RC3H1: variants seen among roughly 807,000 people sequenced by gnomAD.
RC3H1 encodes the protein ring finger and CCCH-type domains 1, also known as roquin-1.
A neutral mutation model predicts 138.2 loss-of-function variants in RC3H1; 50 were observed. That is an observed-to-expected ratio of 0.36 (90% CI 0.29 to 0.46). The LOEUF is 0.46. RC3H1 is among the 20% of genes least tolerant of loss of function. RC3H1 has a pLI of 1.00. For synonymous variants in RC3H1, 462 were observed against 489.1 expected, an observed-to-expected ratio of 0.94 and a Z score of 0.73; for missense variants, 1,031 against 1,388.1, an observed-to-expected ratio of 0.74 and a Z score of 4.09.
chr1:173,962,613 A>T (rs1368545168), intron 11 of RC3H1, among the ~76,000 whole-genome samples: 1 of 152,202 alleles, frequency 6.6e-6, no homozygotes, highest in Non-Finnish European at 1.5e-5. Flanking sequence ...GTGATCTTGG[A>T]ATTAAGCAGT....
rs60259705 is a variant in RC3H1, at chr1:173,950,420, C to CAAAAAAAAAAAA, written c.2523+1554_2523+1565dup. 3.5e-4 allele frequency among the ~76,000 whole-genome samples: 22 copies of CAAAAAAAAAAAA among 63,658 alleles called. 2 individuals are homozygous for CAAAAAAAAAAAA. Among genetic ancestry groups the CAAAAAAAAAAAA allele is most frequent in the East Asian group, 2.2e-3 (4 of 1,792 alleles). 41.8% of individuals were successfully genotyped at this position (63,658 alleles called of 152,430 possible). A position where few individuals can be genotyped will look rare whatever the true frequency, so the allele number is the denominator to read the frequency against. On this transcript the variant is annotated intron_variant, in intron 14 of 19. Transcript: ENST00000367696. ...CAACATAGCAAGACCTCATCTCTAC[C>CAAAAAAAAAAAA]AAAAAAAAAAAAAAAAAAAAAGAGC... is the stretch of plus-strand genomic sequence containing the variant.
rs1660316830 is a variant in RC3H1, at chr1:173,970,636, C to T, written c.1222-19G>A. ...GTGGAGGCTAAAACCAAAATCAAAA[C>T]ATTAGATGTGTAATAACCCCCCACA... On this transcript the variant is annotated intron_variant, in intron 8 of 19. Coordinates refer to ENST00000367696, the MANE Select transcript of RC3H1 (RefSeq NM_172071.4). 21 of 1,524,282 alleles carry T rather than the reference C, an allele frequency of 1.4e-5. No homozygotes were observed. Among genetic ancestry groups the T allele is most frequent in the Non-Finnish European group, 1.8e-5 (20 of 1,102,622 alleles). 94.4% of individuals were successfully genotyped at this position (1,524,282 alleles called of 1,614,324 possible).
Position 173,947,392 on chromosome 1 carries a change from G to A in RC3H1, c.2714C>T (p.Pro905Leu). ...PMQAMAPQGA[P>L]TKSINISDYS... The stretch of plus-strand genomic sequence containing the variant: ...ACCTGAAATGTTAATAGATTTTGTA[G>A]GAGCTCCCTGAGGTGCCATAGCCTG... Residue 905 changes from proline to leucine, a missense_variant, in exon 15 of 20, where the codon CCT (proline) becomes CTT (leucine). Transcript: ENST00000367696. 6.2e-7 allele frequency: 1 copy of A among 1,613,618 alleles called. No individual in the cohort carries two copies. The highest frequency in any genetic ancestry group is 8.5e-7 in the Non-Finnish European group (1 of 1,179,598).
rs750165002 is a variant in RC3H1 at position 173,962,101 on chromosome 1, C to A, written c.1832-6G>T. On this transcript the variant is annotated splice_polypyrimidine_tract_variant and splice_region_variant and intron_variant, in intron 11 of 19. Coordinates refer to ENST00000367696, the MANE Select transcript of RC3H1 (RefSeq NM_172071.4). ...TGGTGGAGTATAATACATACCTGCA[C>A]AATACAAAAGAGGACCCAAAAGCAA... The A allele has an allele frequency of 2.5e-6, 4 of 1,601,984 alleles. No homozygotes were observed. The highest frequency in any genetic ancestry group is 3.4e-6 in the Non-Finnish European group (4 of 1,172,206).
chr1:173,978,311 T>A (rs1215889166), intron 7 of RC3H1, among the ~76,000 whole-genome samples, 177 bp downstream of exon 7: 1 of 151,954 alleles, frequency 6.6e-6, no homozygotes, highest in Non-Finnish European at 1.5e-5. Context: ...AATATTAAAG[T>A]GAACTAACCT....
At chr1:174,018,997 A>T (rs1462833754) in intron 1 of RC3H1, among the ~76,000 whole-genome samples, 1 of 152,216 alleles carries the variant, frequency 6.6e-6, no homozygotes, top group Non-Finnish European at 1.5e-5. Flanking sequence ...ATAAATTAAG[A>T]ACTTCAAATA....
At chr1:173,943,360 G>A (rs188518081) in intron 18 of RC3H1, 82 bp downstream of exon 18, 1 of 1,398,120 alleles carries the variant, frequency 7.2e-7, no homozygotes. Flanking sequence ...TTGAAGTGAT[G>A]ATTCTGTGCC....
chr1:173,973,423 C>T lies in RC3H1; in HGVS notation c.1103-796G>A, dbSNP rs555797450. 2.6e-5 allele frequency among the ~76,000 whole-genome samples: 4 copies of T among 151,420 alleles called. No individual in the cohort carries two copies. In the East Asian group the frequency reaches 5.8e-4, roughly 22 times the overall value. On this transcript the variant is annotated intron_variant, in intron 7 of 19. Transcript: ENST00000367696. ...TGGTGGCACGCGCCTATAGTCCCAG[C>T]AACTTAGGAGGCTGAGGCAGGAGAA...
chr1:173,940,452 C>A (rs1269859102), intron 19 of RC3H1, among the ~76,000 whole-genome samples: 2 of 151,784 alleles, frequency 1.3e-5, no homozygotes, highest in East Asian at 3.9e-4. Context: ...GCCTGGGCAA[C>A]AAGAGTGAAG....
intron 14 of RC3H1, among the ~76,000 whole-genome samples, chr1:173,951,098 G>A (rs1055399023): frequency 6.6e-6 from 1 of 152,150 alleles, no homozygotes; most frequent in Admixed American, 6.5e-5. Context: ...GCCGAGGCGG[G>A]TGGATCACTT....
rs1168186122 is a variant in RC3H1, at chr1:173,931,786, T to C, written c.*6935A>G. The C allele has an allele frequency of 6.6e-6, 1 of 152,232 alleles. No homozygotes were observed. The highest frequency in any genetic ancestry group is 1.5e-5 in the Non-Finnish European group (1 of 68,030). 9.4% of individuals were successfully genotyped at this position (152,232 alleles called of 1,614,324 possible). ...ACAGCCTGTGAAATTCCAATCCATT[T>C]GTCTTCACCATTCCAACCTATTTGT... On this transcript the variant is annotated 3_prime_UTR_variant, in exon 20 of 20. Coordinates refer to ENST00000367696, the MANE Select transcript of RC3H1 (RefSeq NM_172071.4).
chr1:174,000,808 A>G (rs896352209), intron 1 of RC3H1, among the ~76,000 whole-genome samples: 2 of 152,222 alleles, frequency 1.3e-5, no homozygotes, highest in East Asian at 1.9e-4. Flanking sequence ...AAGGCCTATT[A>G]TAACACTTAA....
intron 7 of RC3H1, among the ~76,000 whole-genome samples, chr1:173,976,031 C>G (rs1660566034): frequency 6.7e-6 from 1 of 150,128 alleles, no homozygotes; most frequent in African/African-American, 2.4e-5. Flanking sequence ...TGAGAACACT[C>G]CAAAGAGTAC....
At chr1:173,994,504 T>A (rs1195920851) in intron 1 of RC3H1, among the ~76,000 whole-genome samples, 1 of 152,168 alleles carries the variant, frequency 6.6e-6, no homozygotes, top group Admixed American at 6.5e-5. Flanking sequence ...GACAGACTCA[T>A]ACAAATTTTT....
chr1:173,943,563 T>A lies in RC3H1; in HGVS notation c.3014A>T (p.Gln1005Leu). The change falls in exon 18 of 20, where the codon CAG becomes CTG. Residue 1005 changes from glutamine (Q) to leucine (L), a missense_variant. Coordinates refer to ENST00000367696, the MANE Select transcript of RC3H1 (RefSeq NM_172071.4). Reference sequence around the variant, plus strand: ...AGGTGGCGGTGGTGGGGGCTGTGACTGGCCTGCCAGGGTGTTTGCCTCCCT... The same window carrying A: ...AGGTGGCGGTGGTGGGGGCTGTGACAGGCCTGCCAGGGTGTTTGCCTCCCT... Reference protein sequence around the residue: ...LQREANTLAGQSQPPPPPPPK... With the variant: ...LQREANTLAGLSQPPPPPPPK... 6.2e-7 allele frequency: 1 copy of A among 1,614,130 alleles called. No homozygotes were observed. The highest frequency in any genetic ancestry group is 8.5e-7 in the Non-Finnish European group (1 of 1,179,994).
chr1:174,001,097 A>T (rs1358041028), intron 1 of RC3H1, among the ~76,000 whole-genome samples: 1 of 152,234 alleles, frequency 6.6e-6, no homozygotes, highest in African/African-American at 2.4e-5. Context: ...ATAGCTTGAA[A>T]AATAGAACTT....
chr1:173,998,132 G>A (rs1197643967), intron 1 of RC3H1, among the ~76,000 whole-genome samples: 1 of 151,948 alleles, frequency 6.6e-6, no homozygotes, highest in Non-Finnish European at 1.5e-5. Context: ...AGGTATGTCA[G>A]CAAACTAAAA....
intron 7 of RC3H1, among the ~76,000 whole-genome samples, chr1:173,975,790 T>C (rs1425945292): frequency 2.2e-5 from 2 of 91,368 alleles, no homozygotes; most frequent in Admixed American, 9.3e-5. Context: ...CCCAGCTACT[T>C]GGGAGGCTGA....
At chr1:173,993,940 A>C (rs1661394292) in intron 1 of RC3H1, among the ~76,000 whole-genome samples, 1 of 148,962 alleles carries the variant, frequency 6.7e-6, no homozygotes, top group South Asian at 2.1e-4. Flanking sequence ...GAATCGCTTA[A>C]ACCCGGGAGG....
Sources: gnomAD v4.1 joint callset for allele counts (sites outside exome capture counted in the v4.1 genomes callset) on GRCh38, gnomAD v4.1.1 for gene constraint, MANE v1.5 for transcripts, NCBI Gene and HGNC (gene_info 2026-07-23, HGNC 2026-07-21) for gene names.